The following ECSCR variants were observed in gnomAD, a reference collection of about 807,000 sequenced individuals.
ECSCR encodes the protein endothelial cell-specific chemotaxis regulator.
In ECSCR, 12 loss-of-function variants were observed where a neutral mutation model predicts 16.7. That is an observed-to-expected ratio of 0.72 (90% CI 0.46 to 1.17). The LOEUF (loss-of-function observed/expected upper bound fraction) is 1.17. Ranked by LOEUF, ECSCR falls within the 50% of genes most tolerant of loss-of-function variation. The pLI is 0.00. For synonymous variants in ECSCR, 44 were observed against 42.2 expected, an observed-to-expected ratio of 1.04 and a Z score of -0.17; for missense variants, 122 against 116.1, an observed-to-expected ratio of 1.05 and a Z score of -0.23.
At chr5:139,450,815 A>G (rs547350716) in intron 8 of ECSCR, among the ~76,000 whole-genome samples, 9 of 152,242 alleles carry the variant, frequency 5.9e-5, no homozygotes, top group East Asian at 1.9e-4. Context: ...AATAATTGCT[A>G]TAAAGATTTG....
At chr5:139,452,398 G>A (rs1265272473) in intron 8 of ECSCR, among the ~76,000 whole-genome samples, 4 of 151,740 alleles carry the variant, frequency 2.6e-5, no homozygotes, top group African/African-American at 4.8e-5. Context: ...TGAGGTGTGT[G>A]TGTGGAGGGG....
intron 1 of ECSCR, among the ~76,000 whole-genome samples, chr5:139,461,956 A>C (rs1295107547): frequency 6.6e-6 from 1 of 152,088 alleles, no homozygotes; most frequent in Admixed American, 6.6e-5. Context: ...GACCCCTATG[A>C]GCGGCTTCAC....
intron 1 of ECSCR, among the ~76,000 whole-genome samples, chr5:139,458,754 G>A (rs571772490): frequency 6.7e-6 from 1 of 150,306 alleles, no homozygotes; most frequent in East Asian, 2.0e-4. Flanking sequence ...GCTGAGGCAT[G>A]AGAATCGCTT....
intron 1 of ECSCR, among the ~76,000 whole-genome samples, chr5:139,461,679 C>T (rs1008932454): frequency 2.6e-5 from 4 of 152,152 alleles, no homozygotes; most frequent in African/African-American, 7.2e-5. Context: ...GAGTCTTGTC[C>T]TCCAGCCCAT....
At chr5:139,456,328 T>C in intron 5 of ECSCR, 146 bp downstream of exon 5, 1 of 385,078 alleles carries the variant, frequency 2.6e-6, no homozygotes, top group Middle Eastern at 6.6e-4. Flanking sequence ...CAGGCCCAAT[T>C]GCTGTTCCAC....
rs1216237670 is a variant in ECSCR at position 139,457,600 on chromosome 5, G to A, written c.162C>T (p.Tyr54=). Residue 54 remains tyrosine (Y), a synonymous_variant, in exon 4 of 10, where the codon TAC becomes TAT. Transcript: ENST00000618155. ...TTEPVSSNPG[Y]IPSSEANRPS... The stretch of plus-strand genomic sequence containing the variant: ...GCCTGTTAGCCTCTGAGGAAGGGAT[G>A]TATCCTGCAAGGACAGAGGCAGATA... The A allele has an allele frequency of 7.0e-6, 6 of 860,320 alleles. No individual in the cohort carries two copies. The highest frequency in any genetic ancestry group is 3.4e-5 in the Admixed American group (2 of 59,108). 53.3% of individuals were successfully genotyped at this position (860,320 alleles called of 1,614,324 possible).
intron 8 of ECSCR, 51 bp from the exon 9 acceptor site, chr5:139,449,225 G>A (rs1750975439): frequency 7.5e-7 from 1 of 1,327,554 alleles, no homozygotes; most frequent in East Asian, 2.5e-5. Flanking sequence ...GCAGGGCAAT[G>A]GGGAGTCAAG....
chr5:139,462,093 T>G (rs1321666893), intron 1 of ECSCR, among the ~76,000 whole-genome samples: 1 of 152,234 alleles, frequency 6.6e-6, no homozygotes, highest in Non-Finnish European at 1.5e-5. Context: ...TAGTTCTTTG[T>G]GTCTAACCTG....
intron 9 of ECSCR, 68 bp downstream of exon 9, chr5:139,449,010 G>C: frequency 6.5e-7 from 1 of 1,531,598 alleles, no homozygotes; most frequent in Non-Finnish European, 8.8e-7. Context: ...CTCCTTTCTG[G>C]CCTGAAAGTA....
rs1750958645 is a variant in ECSCR, at chr5:139,448,610, C to T, written c.*290G>A. 1.1e-5 allele frequency: 8 copies of T among 709,052 alleles called. No individual in the cohort carries two copies. In the Admixed American group the frequency reaches 2.6e-4, roughly 23 times the overall value. 43.9% of individuals were successfully genotyped at this position (709,052 alleles called of 1,614,324 possible). ...CAAAGTAGAAAGTATCAATCCACCTCATCACTTTCCTTGCTCTCTCTCTGT... is the reference window on the plus strand; with the variant it reads ...CAAAGTAGAAAGTATCAATCCACCTTATCACTTTCCTTGCTCTCTCTCTGT... On this transcript the variant is annotated 3_prime_UTR_variant, in exon 10 of 10. Transcript: ENST00000618155.
At chr5:139,452,149 G>A (rs1189363051) in intron 8 of ECSCR, among the ~76,000 whole-genome samples, 1 of 147,540 alleles carries the variant, frequency 6.8e-6, no homozygotes, top group East Asian at 2.1e-4. Flanking sequence ...GTATGTGGAT[G>A]TGCGTGGGGT....
rs182945399 is a variant in ECSCR at position 139,458,640 on chromosome 5, A to G, written c.62-457T>C. On this transcript the variant is annotated intron_variant, in intron 1 of 9. Transcript: ENST00000618155. ...GGTGGGTAGATCACTTGAGGTCAGG[A>G]GTTCAAGACTAGCCCGGCCAACATG... Among the ~76,000 whole-genome samples, 982 of 151,488 alleles carry G rather than the reference A, an allele frequency of 6.5e-3. 15 individuals are homozygous for G. The highest frequency in any genetic ancestry group is 0.018 in the African/African-American group (756 of 41,364).
At chr5:139,457,873 C>T (rs929086666) in intron 2 of ECSCR, 66 bp from the exon 3 acceptor site, 82 of 1,511,788 alleles carry the variant, frequency 5.4e-5, no homozygotes, top group Non-Finnish European at 7.0e-5. Context: ...CTCTCTTGTT[C>T]CCTAGATCTG....
chr5:139,452,222 G>A (rs1751069950), intron 8 of ECSCR, among the ~76,000 whole-genome samples: 1 of 146,284 alleles, frequency 6.8e-6, no homozygotes, highest in Non-Finnish European at 1.5e-5. Flanking sequence ...TGTGTGGTGT[G>A]TAGGGGTGTG....
intron 8 of ECSCR, among the ~76,000 whole-genome samples, chr5:139,450,033 T>A (rs571218994): frequency 6.6e-6 from 1 of 152,258 alleles, no homozygotes; most frequent in South Asian, 2.1e-4. Flanking sequence ...TAGCTGGGAT[T>A]ATAGGCACCT....
chr5:139,461,890 T>C (rs1294162750), intron 1 of ECSCR, among the ~76,000 whole-genome samples: 1 of 152,144 alleles, frequency 6.6e-6, no homozygotes, highest in Non-Finnish European at 1.5e-5. Context: ...TGCTGCCCTG[T>C]GAGTCAGAAT....
chr5:139,454,752 T>A (rs1177280262), intron 7 of ECSCR, 73 bp downstream of exon 7: 1 of 398,190 alleles, frequency 2.5e-6, no homozygotes, highest in Non-Finnish European at 4.4e-6. Flanking sequence ...AGATGCAGGC[T>A]GGTGTGAGCT....
At chr5:139,454,697 T>C in intron 7 of ECSCR, 59 bp from the exon 8 acceptor site, 3 of 398,318 alleles carry the variant, frequency 7.5e-6, no homozygotes, top group Non-Finnish European at 1.3e-5. Flanking sequence ...AAGTCCAGCC[T>C]TCCTCTCAAA....
chr5:139,458,574 C>G (rs192228843), intron 1 of ECSCR, among the ~76,000 whole-genome samples: 3 of 145,652 alleles, frequency 2.1e-5, no homozygotes, highest in African/African-American at 7.7e-5. Context: ...TGGCCAGGTG[C>G]GGTGGTTCAC....
Sources: gnomAD v4.1 joint callset for allele counts (sites outside exome capture counted in the v4.1 genomes callset) on GRCh38, gnomAD v4.1.1 for gene constraint, MANE v1.5 for transcripts, NCBI Gene and HGNC (gene_info 2026-07-23, HGNC 2026-07-21) for gene names.